Variants in ATF6 observed in about 807,000 individuals in gnomAD.
ATF6 encodes activating transcription factor 6.
A neutral mutation model predicts 83.6 loss-of-function variants in ATF6; 53 were observed. The ratio of observed to expected loss-of-function variants is 0.63; its 90% CI spans 0.51 to 0.80. The LOEUF is 0.80. Among genes scored for constraint, ATF6 ranks in the 30% least tolerant of loss-of-function variants. The probability of loss-of-function intolerance (pLI) is 0.00; values close to 1 mark genes in which losing one functional copy is unlikely to be tolerated. For synonymous variants in ATF6, 288 were observed against 285.8 expected (o/e 1.01, Z -0.08); for missense variants, 744 against 797.9 (o/e 0.93, Z 0.81).
At chr1:161,861,310 A>T (rs968762745) in intron 13 of ATF6, among the ~76,000 whole-genome samples, 1 of 152,172 alleles carries the variant, frequency 6.6e-6, no homozygotes, top group Non-Finnish European at 1.5e-5. Flanking sequence ...AGATAGATAG[A>T]TAGATAGTAA....
intron 14 of ATF6, among the ~76,000 whole-genome samples, chr1:161,870,563 T>G (rs1009082962): frequency 4.6e-5 from 7 of 151,808 alleles, no homozygotes; most frequent in Non-Finnish European, 1.0e-4. Flanking sequence ...GTATATGGCG[T>G]GCTAGATCTT....
In ATF6 at chr1:161,782,573, C is replaced by A. The variant is rs560206268; in HGVS notation, c.247+574C>A. Among the ~76,000 whole-genome samples the A allele has an allele frequency of 8.5e-5, 13 of 152,210 alleles. No individual in the cohort carries two copies. In the East Asian group the frequency reaches 2.5e-3, roughly 29 times the overall value. ...TTTCTAGTATCCCCTATTGACAGGA[C>A]CTAAAAGGATGCCAGCTGGGAATAA... On this transcript the variant is annotated intron_variant, in intron 3 of 15. Coordinates refer to ENST00000367942, the MANE Select transcript of ATF6 (RefSeq NM_007348.4).
At chr1:161,774,317 A>C (rs1363168302) in intron 1 of ATF6, among the ~76,000 whole-genome samples, 1 of 152,010 alleles carries the variant, frequency 6.6e-6, no homozygotes, top group Non-Finnish European at 1.5e-5. Flanking sequence ...GGGCAGAAGC[A>C]GGGAGACGTT....
At chr1:161,936,588 G>A (rs1688540605) in intron 15 of ATF6, among the ~76,000 whole-genome samples, 1 of 152,204 alleles carries the variant, frequency 6.6e-6, no homozygotes, top group Admixed American at 6.5e-5. Flanking sequence ...ATTTCATCTT[G>A]TTGGAGTTTG....
At chr1:161,813,691 C>G (rs1228485980) in intron 7 of ATF6, among the ~76,000 whole-genome samples, 1 of 152,064 alleles carries the variant, frequency 6.6e-6, no homozygotes, top group African/African-American at 2.4e-5. Flanking sequence ...TGGTCTAACT[C>G]TCTCTTTTTA....
intron 15 of ATF6, among the ~76,000 whole-genome samples, chr1:161,924,463 T>A (rs1688270653): frequency 6.6e-6 from 1 of 152,244 alleles, no homozygotes; most frequent in South Asian, 2.1e-4. Flanking sequence ...GTTAATTATA[T>A]GTTCCTGTGT....
chr1:161,843,590 C>A (rs530994549), intron 9 of ATF6, among the ~76,000 whole-genome samples: 117 of 152,192 alleles, frequency 7.7e-4, no homozygotes, highest in African/African-American at 2.7e-3. Flanking sequence ...CTTCAACTTC[C>A]TTTGAGCCTT....
chr1:161,847,305 C>T (rs1394226003), intron 10 of ATF6, among the ~76,000 whole-genome samples: 1 of 152,098 alleles, frequency 6.6e-6, no homozygotes, highest in Non-Finnish European at 1.5e-5. Context: ...AAAATTATTA[C>T]AGATTTGTTT....
At chr1:161,852,333 A>T (rs1006096042) in intron 11 of ATF6, among the ~76,000 whole-genome samples, 2 of 152,184 alleles carry the variant, frequency 1.3e-5, no homozygotes, top group Non-Finnish European at 2.9e-5. Context: ...ACATAGTTTA[A>T]CATCTTCACA....
At chr1:161,824,126 A>G (rs1390879876) in intron 9 of ATF6, among the ~76,000 whole-genome samples, 1 of 152,072 alleles carries the variant, frequency 6.6e-6, no homozygotes, top group Non-Finnish European at 1.5e-5. Flanking sequence ...AACACTGGAT[A>G]TTGTATTTTT....
At chr1:161,844,075 A>G (rs1281049252) in intron 9 of ATF6, among the ~76,000 whole-genome samples, 3 of 152,368 alleles carry the variant, frequency 2.0e-5, no homozygotes, top group East Asian at 1.9e-4. Flanking sequence ...AGAGTGTAAT[A>G]TAACTGCCAG....
At position 161,916,148 on chromosome 1, in the gene ATF6, G is replaced by A. The variant is rs77184918; in HGVS notation, c.1804+3768G>A. The stretch of plus-strand genomic sequence containing the variant: ...CTCCACTGAAATGCTCTTGCAAAAC[G>A]GAAGTCAATGACAAATATCTCGCCA... On this transcript the variant is annotated intron_variant, in intron 15 of 15. Transcript: ENST00000367942. Among the ~76,000 whole-genome samples the A allele has an allele frequency of 6.2e-3, 948 of 152,258 alleles. 7 individuals carry two copies. The highest frequency in any genetic ancestry group is 0.021 in the African/African-American group (858 of 41,538).
chr1:161,929,107 A>T lies in ATF6; in HGVS notation c.1804+16727A>T, dbSNP rs1338740223. ...GAGGTACAAATATGAAAACTATATAAAAGCTCCTGCCCCAGATAAACTATG... is the reference window on the plus strand; with the variant it reads ...GAGGTACAAATATGAAAACTATATATAAGCTCCTGCCCCAGATAAACTATG... On this transcript the variant is annotated intron_variant, in intron 15 of 15. Transcript: ENST00000367942. 2.0e-5 allele frequency among the ~76,000 whole-genome samples: 3 copies of T among 152,222 alleles called. No individual in the cohort carries two copies. In the East Asian group the frequency reaches 5.8e-4, roughly 29 times the overall value.
chr1:161,770,330 A>G (rs994413324), intron 1 of ATF6, among the ~76,000 whole-genome samples: 1 of 152,246 alleles, frequency 6.6e-6, no homozygotes, highest in Non-Finnish European at 1.5e-5. Flanking sequence ...TGTATGTTCT[A>G]TAGCCTATTA....
intron 6 of ATF6, among the ~76,000 whole-genome samples, chr1:161,794,069 G>T (rs565580640): frequency 3.3e-5 from 5 of 152,176 alleles, no homozygotes; most frequent in Admixed American, 6.5e-5. Flanking sequence ...ACCATGCCCA[G>T]CTAATTTTTA....
intron 7 of ATF6, among the ~76,000 whole-genome samples, chr1:161,815,432 C>G (rs1381656159): frequency 3.3e-5 from 5 of 151,472 alleles, no homozygotes; most frequent in Admixed American, 3.3e-4. Flanking sequence ...CTCAAGCGTT[C>G]CTCCTGCCTC....
chr1:161,853,281 A>G lies in ATF6; in HGVS notation c.1491A>G (p.Ser497=), dbSNP rs1058408. Residue 497 remains serine, a synonymous_variant, in exon 12 of 16, where the codon TCA becomes TCG. Transcript: ENST00000367942. ...VHRHEVERTK[S]RRMTNNQQKT... is the part of the protein sequence containing the mutation. Reference sequence around the variant, plus strand: ...GACATGAAGTAGAAAGGACCAAGTCAAGAAGAATGACAAATAATCAACAGA... The same window carrying G: ...GACATGAAGTAGAAAGGACCAAGTCGAGAAGAATGACAAATAATCAACAGA... 3.1e-6 allele frequency: 5 copies of G among 1,613,728 alleles called. No individual in the cohort carries two copies. In the East Asian group the frequency reaches 1.1e-4, roughly 36 times the overall value.
chr1:161,817,062 G>C (rs974242819), intron 7 of ATF6, among the ~76,000 whole-genome samples: 13 of 152,238 alleles, frequency 8.5e-5, no homozygotes, highest in African/African-American at 2.9e-4. Context: ...CTGTTTCTAT[G>C]GGAAGAAATG....
At position 161,888,089 on chromosome 1, in the gene ATF6, C is replaced by T. The variant is rs75612926; in HGVS notation, c.1720-24207C>T. ...TCATTAACAAGAACAGGAAACATTA[C>T]GAATAAATAAAACTCTTACATCATA... On this transcript the variant is annotated intron_variant, in intron 14 of 15. Coordinates refer to ENST00000367942, the MANE Select transcript of ATF6 (RefSeq NM_007348.4). Among the ~76,000 whole-genome samples the T allele has an allele frequency of 2.1e-4, 32 of 152,264 alleles. No individual in the cohort carries two copies. In the East Asian group the frequency reaches 5.6e-3, roughly 27 times the overall value.
Sources: gnomAD v4.1 joint callset for allele counts (sites outside exome capture counted in the v4.1 genomes callset) on GRCh38, gnomAD v4.1.1 for gene constraint, MANE v1.5 for transcripts, NCBI Gene and HGNC (gene_info 2026-07-23, HGNC 2026-07-21) for gene names.